The following RPF1 variants were observed in gnomAD, a reference collection of about 807,000 sequenced individuals.
RPF1 encodes ribosome production factor 1 homolog, also known as ribosome production factor 1.
In RPF1, 34 loss-of-function variants were observed where a neutral mutation model predicts 41.9. The observed-to-expected ratio is 0.81, with a 90% CI of 0.62 to 1.08. The LOEUF (loss-of-function observed/expected upper bound fraction) is 1.08, where lower values mean the gene tolerates loss of function less well. RPF1 is among the 50% of genes least tolerant of loss of function. The pLI is 0.00. For missense variants in RPF1, 425 were observed against 435.2 expected (o/e 0.98, Z 0.21); for synonymous variants, 140 against 148.9 (o/e 0.94, Z 0.43).
chr1:84,483,078 T>TG (rs1286415917), intron 3 of RPF1, 83 bp downstream of exon 3: 4 of 884,218 alleles, frequency 4.5e-6, no homozygotes, highest in Non-Finnish European at 7.3e-6. Flanking sequence ...TTTAAAGTGC[T>TG]GGCTGGCCAA....
intron 3 of RPF1, among the ~76,000 whole-genome samples, chr1:84,485,950 G>A (rs1681727030): frequency 6.6e-6 from 1 of 152,010 alleles, no homozygotes; most frequent in African/African-American, 2.4e-5. Context: ...TTTGTCTACT[G>A]GGTAGTGATT....
intron 3 of RPF1, 38 bp downstream of exon 3, chr1:84,483,033 A>C: frequency 8.2e-7 from 1 of 1,221,106 alleles, no homozygotes; most frequent in Non-Finnish European, 1.2e-6. Context: ...GAATGATCAC[A>C]TATAATTGAT....
At position 84,497,694 on chromosome 1, in the gene RPF1, GT is replaced by G; in HGVS notation, c.*229del. 7.4e-6 allele frequency: 3 copies of G among 404,552 alleles called. No homozygotes were observed. Among genetic ancestry groups the G allele is most frequent in the East Asian group, 4.1e-5 (1 of 24,378 alleles). 25.1% of individuals were successfully genotyped at this position (404,552 alleles called of 1,614,324 possible). On this transcript the variant is annotated 3_prime_UTR_variant, in exon 9 of 9. Coordinates refer to ENST00000370654, the MANE Select transcript of RPF1 (RefSeq NM_025065.7). Reference sequence around the variant, plus strand: ...AGGTTTCCTTAAACTTAGTTCTCTTGTTTTTGGGTAACTGTGAATAATTAAG... The same window carrying G: ...AGGTTTCCTTAAACTTAGTTCTCTTGTTTTGGGTAACTGTGAATAATTAAG...
Position 84,479,276 on chromosome 1 carries a change from A to G in RPF1, c.-6A>G, listed in dbSNP as rs2101880429. On this transcript the variant is annotated 5_prime_UTR_variant, in exon 1 of 9. Coordinates refer to ENST00000370654, the MANE Select transcript of RPF1 (RefSeq NM_025065.7). ...GTTTCCGTACGGAAGCAAAGGAGCC[A>G]AGACCATGGCGAAAGCCGGGGATAA... 1 of 1,592,776 alleles carries G rather than the reference A, an allele frequency of 6.3e-7. No individual in the cohort carries two copies. Among genetic ancestry groups the G allele is most frequent in the South Asian group, 1.1e-5 (1 of 88,660 alleles).
Position 84,479,330 on chromosome 1 carries a change from A to G in RPF1, c.49A>G (p.Lys17Glu), listed in dbSNP as rs1196128510. 2 of 1,612,098 alleles carry G rather than the reference A, an allele frequency of 1.2e-6. No homozygotes were observed. Among genetic ancestry groups the G allele is most frequent in the African/African-American group, 2.7e-5 (2 of 74,740 alleles). The change falls in exon 1 of 9, where the codon AAA becomes GAA. Residue 17 changes from lysine to glutamate, a missense_variant. Coordinates refer to ENST00000370654, the MANE Select transcript of RPF1 (RefSeq NM_025065.7). ...CAGCAGCAGCGGGAAGAAAAGTCTA[A>G]AACGGAAAGCCGCTGCCGAAGAACT... ...KSSSSGKKSL[K>E]RKAAAEELQE...
intron 8 of RPF1, among the ~76,000 whole-genome samples, chr1:84,496,927 A>C (rs1392523103): frequency 6.6e-6 from 1 of 152,048 alleles, no homozygotes; most frequent in Non-Finnish European, 1.5e-5. Context: ...GCTGGAGTGC[A>C]GGGGCGCCAT....
intron 5 of RPF1, among the ~76,000 whole-genome samples, chr1:84,491,688 C>G (rs1160065804): frequency 6.6e-6 from 1 of 152,166 alleles, no homozygotes; most frequent in African/African-American, 2.4e-5. Flanking sequence ...GTGGCAAGGT[C>G]TGTTTTCCTC....
Position 84,489,837 on chromosome 1 carries a change from G to A in RPF1, c.462+109G>A, listed in dbSNP as rs141389617. ...CCATTAGTTAATTGCCTTAAAGAAT[G>A]CCTGTGACTAAGTAAATAAAACGTA... On this transcript the variant is annotated intron_variant, in intron 4 of 8. Transcript: ENST00000370654. 1.6e-4 allele frequency: 104 copies of A among 644,066 alleles called. No individual in the cohort carries two copies. The African/African-American group carries it at 1.7e-3, about 11-fold the overall frequency. 39.9% of individuals were successfully genotyped at this position (644,066 alleles called of 1,614,324 possible).
At chr1:84,494,631 A>T (rs185585876) in intron 5 of RPF1, among the ~76,000 whole-genome samples, 3 of 152,342 alleles carry the variant, frequency 2.0e-5, no homozygotes, top group Admixed American at 2.0e-4. Flanking sequence ...GAAGAATATT[A>T]TATAGGTAGC....
chr1:84,481,643 A>G (rs552576213), intron 2 of RPF1, among the ~76,000 whole-genome samples: 1 of 152,330 alleles, frequency 6.6e-6, no homozygotes, highest in African/African-American at 2.4e-5. Flanking sequence ...ATTTGGCTGT[A>G]TTTGTGGTAC....
intron 3 of RPF1, among the ~76,000 whole-genome samples, chr1:84,488,616 T>C (rs1042503398): frequency 6.6e-6 from 1 of 152,128 alleles, no homozygotes; most frequent in African/African-American, 2.4e-5. Context: ...AACAGTGCCA[T>C]CTTTGCCACG....
At position 84,496,230 on chromosome 1, in the gene RPF1, T is replaced by G; in HGVS notation, c.882-14T>G. 6.2e-7 allele frequency: 1 copy of G among 1,606,822 alleles called. No homozygotes were observed. The highest frequency in any genetic ancestry group is 1.3e-5 in the African/African-American group (1 of 74,482). On this transcript the variant is annotated splice_polypyrimidine_tract_variant and intron_variant, in intron 7 of 8. Transcript: ENST00000370654. Reference sequence around the variant, plus strand: ...AGCTCATTCAGACTAATTTAACTCTTTTTGTCTTTGAAGATACATATTCAG... The same window carrying G: ...AGCTCATTCAGACTAATTTAACTCTGTTTGTCTTTGAAGATACATATTCAG...
At position 84,482,388 on chromosome 1, in the gene RPF1, A is replaced by G. The variant is rs150244562; in HGVS notation, c.286-527A>G. Reference sequence around the variant, plus strand: ...TGAACATTTGCCCTGTTTGCTGTTTATTTGCATTATAAATAGGGATACTAT... The same window carrying G: ...TGAACATTTGCCCTGTTTGCTGTTTGTTTGCATTATAAATAGGGATACTAT... On this transcript the variant is annotated intron_variant, in intron 2 of 8. Coordinates refer to ENST00000370654, the MANE Select transcript of RPF1 (RefSeq NM_025065.7). 5.0e-4 allele frequency among the ~76,000 whole-genome samples: 76 copies of G among 152,210 alleles called. 1 individual carries two copies. The highest frequency in any genetic ancestry group is 1.8e-3 in the African/African-American group (76 of 41,528).
At chr1:84,489,546 C>G (rs911322145) in intron 3 of RPF1, 87 bp from the exon 4 acceptor site, 1 of 745,400 alleles carries the variant, frequency 1.3e-6, no homozygotes, top group African/African-American at 1.7e-5. Context: ...TACTCAGTGT[C>G]CAACAGTCCT....
At position 84,479,425 on chromosome 1, in the gene RPF1, T is replaced by C. The variant is rs1174752680; in HGVS notation, c.144T>C (p.Phe48=). 2 of 1,614,232 alleles carry C rather than the reference T, an allele frequency of 1.2e-6. No homozygotes were observed. Among genetic ancestry groups the C allele is most frequent in the South Asian group, 2.2e-5 (2 of 91,088 alleles). The change falls in exon 1 of 9, where the codon TTT becomes TTC. Residue 48 remains phenylalanine, a synonymous_variant. Transcript: ENST00000370654. ...TCCAACCCCCGAAAGCGGCTGCCTT[T>C]CCGCCAGGCTTTAGCATTTCGGAGA... The part of the protein sequence containing the change: ...NGVQPPKAAA[F]PPGFSISEIK...
intron 1 of RPF1, 99 bp downstream of exon 1, chr1:84,479,608 G>A (rs1040063467): frequency 1.8e-6 from 2 of 1,140,480 alleles, no homozygotes; most frequent in Admixed American, 2.4e-5. Context: ...GGTCTCAAAA[G>A]TGTTCTCTGT....
At chr1:84,496,420 A>G in intron 8 of RPF1, 50 bp downstream of exon 8, 1 of 1,512,638 alleles carries the variant, frequency 6.6e-7, no homozygotes. Context: ...AGTATGGGAT[A>G]AGAGGGTGGG....
intron 3 of RPF1, chr1:84,483,271 T>G: frequency 2.6e-6 from 1 of 378,546 alleles, no homozygotes; most frequent in Non-Finnish European, 4.9e-6. Flanking sequence ...TTTGTTTTTG[T>G]TTTTGATTTT....
At chr1:84,483,490 C>T (rs1281940056) in intron 3 of RPF1, among the ~76,000 whole-genome samples, 2 of 152,160 alleles carry the variant, frequency 1.3e-5, no homozygotes, top group Non-Finnish European at 2.9e-5. Context: ...TGGTCTCGAA[C>T]TCCTGATCAC....
Sources: gnomAD v4.1 joint callset for allele counts (sites outside exome capture counted in the v4.1 genomes callset) on GRCh38, gnomAD v4.1.1 for gene constraint, MANE v1.5 for transcripts, NCBI Gene and HGNC (gene_info 2026-07-23, HGNC 2026-07-21) for gene names.